Variants in HIVEP3 observed in about 807,000 individuals in gnomAD.
HIVEP3 encodes the protein HIVEP zinc finger 3.
HIVEP3 carries 49 observed loss-of-function variants against 152.8 expected under a neutral mutation model. The ratio of observed to expected loss-of-function variants is 0.32; its 90% CI spans 0.26 to 0.41. HIVEP3 has a LOEUF of 0.41. HIVEP3 is among the 10% of genes least tolerant of loss of function. The probability of loss-of-function intolerance (pLI) is 1.00; values close to 1 mark genes in which losing one functional copy is unlikely to be tolerated. For synonymous variants in HIVEP3, 1,269 were observed against 1,289.0 expected, an observed-to-expected ratio of 0.98 and a Z score of 0.33; for missense variants, 2,790 against 3,103.3, an observed-to-expected ratio of 0.90 and a Z score of 2.40.
chr1:41,740,832 AC>A (rs758771696), intron 1 of HIVEP3, among the ~76,000 whole-genome samples: 1 of 151,892 alleles, frequency 6.6e-6, no homozygotes. Flanking sequence ...GACCCAAGCA[AC>A]CCCCTGCCCT....
chr1:42,008,354 C>T (rs1393744229), intron 1 of HIVEP3, among the ~76,000 whole-genome samples: 2 of 152,046 alleles, frequency 1.3e-5, no homozygotes, highest in Non-Finnish European at 2.9e-5. Context: ...CCCAGAGTTC[C>T]CAAGAAGAAA....
In HIVEP3 at chr1:41,533,396, CTCT is replaced by C. The variant is rs1259359096; in HGVS notation, c.5208-8489_5208-8487del. Among the ~76,000 whole-genome samples, 8 of 152,226 alleles carry C rather than the reference CTCT, an allele frequency of 5.3e-5. No individual in the cohort carries two copies. Among genetic ancestry groups the C allele is most frequent in the African/African-American group, 1.9e-4 (8 of 41,536 alleles). On this transcript the variant is annotated intron_variant, in intron 5 of 8. Transcript: ENST00000372583. The surrounding 1 kb of genome is among the most constrained non-coding windows in gnomAD (Gnocchi z 4.3). ...CACCACCACAGACACAAGCCCAGCT[CTCT>C]TCCCATCACAAATCAACCAGCCCCA...
At chr1:41,616,618 G>GC (rs1190085460) in intron 3 of HIVEP3, among the ~76,000 whole-genome samples, 1 of 120,672 alleles carries the variant, frequency 8.3e-6, no homozygotes, top group South Asian at 2.8e-4. Context: ...AAGATGGGGA[G>GC]CCTTTTTTTT....
In HIVEP3 at chr1:41,986,759, C is replaced by T. The variant is rs138675908; in HGVS notation, n.119+49048G>A. Among the ~76,000 whole-genome samples the T allele has an allele frequency of 1.5e-4, 23 of 152,290 alleles. No homozygotes were observed. In the East Asian group the frequency reaches 2.3e-3, roughly 15 times the overall value. On this transcript the variant is annotated intron_variant and non_coding_transcript_variant, in intron 1 of 3. Transcript: ENST00000489103. ...CCTGCCGAATAGGACATTTTTAACA[C>T]AAATGTATTTATTAATTGCTGCCCA...
At chr1:41,884,263 G>A (rs1644308889) in intron 1 of HIVEP3, among the ~76,000 whole-genome samples, 2 of 152,204 alleles carry the variant, frequency 1.3e-5, no homozygotes, top group African/African-American at 4.8e-5. Flanking sequence ...ACCACGTCAT[G>A]AGCCCCCTCC....
At chr1:41,600,272 T>A (rs951230429) in intron 3 of HIVEP3, among the ~76,000 whole-genome samples, 1 of 152,202 alleles carries the variant, frequency 6.6e-6, no homozygotes, top group African/African-American at 2.4e-5. Flanking sequence ...TACATCTATG[T>A]TCATAGCGGC....
chr1:41,660,303 T>A (rs1339688369), intron 2 of HIVEP3, among the ~76,000 whole-genome samples: 1 of 152,236 alleles, frequency 6.6e-6, no homozygotes, highest in African/African-American at 2.4e-5. Context: ...GGCACAGAGT[T>A]GGTAACTGGT....
rs1643315242 is a variant in HIVEP3 at position 41,533,315 on chromosome 1, C to T, written c.5208-8405G>A. Among the ~76,000 whole-genome samples the T allele has an allele frequency of 6.6e-6, 1 of 152,144 alleles. No individual in the cohort carries two copies. Among genetic ancestry groups the T allele is most frequent in the Admixed American group, 6.5e-5 (1 of 15,276 alleles). The stretch of plus-strand genomic sequence containing the variant: ...GCGGTGCCAGAGCCCACCCCACCCA[C>T]TGTCCTCTCCCACAGCTTCCCAGCA... On this transcript the variant is annotated intron_variant, in intron 5 of 8. Coordinates refer to ENST00000372583, the MANE Select transcript of HIVEP3 (RefSeq NM_024503.5). The surrounding 1 kb of genome is among the most constrained non-coding windows in gnomAD (Gnocchi z 4.3).
intron 3 of HIVEP3, among the ~76,000 whole-genome samples, chr1:41,589,191 G>C (rs930479128): frequency 5.9e-5 from 9 of 152,220 alleles, no homozygotes; most frequent in Non-Finnish European, 1.3e-4. Flanking sequence ...AATGGGCCCA[G>C]GAGCTGGGCC....
intron 1 of HIVEP3, among the ~76,000 whole-genome samples, chr1:41,789,405 A>G (rs976968277): frequency 2.0e-5 from 3 of 152,226 alleles, no homozygotes; most frequent in African/African-American, 7.2e-5. Context: ...GTGAGCTACC[A>G]TTGTCATGAA....
At chr1:41,579,115 AC>A (rs1272602457) in intron 4 of HIVEP3, among the ~76,000 whole-genome samples, 1 of 152,230 alleles carries the variant, frequency 6.6e-6, no homozygotes, top group African/African-American at 2.4e-5. Context: ...ACCACGTAGC[AC>A]AAATAGGTCA....
intron 1 of HIVEP3, among the ~76,000 whole-genome samples, chr1:41,941,828 G>T (rs1645047553): frequency 6.6e-6 from 1 of 152,132 alleles, no homozygotes; most frequent in Non-Finnish European, 1.5e-5. Flanking sequence ...ATCAGGGCTG[G>T]GGCCTGAACT....
chr1:41,825,439 A>G (rs1311073783), intron 1 of HIVEP3, among the ~76,000 whole-genome samples: 1 of 151,748 alleles, frequency 6.6e-6, no homozygotes, highest in Non-Finnish European at 1.5e-5. Flanking sequence ...CCCAGCTAAT[A>G]TTTTCTATTT....
At chr1:41,600,262 T>C (rs755696785) in intron 3 of HIVEP3, among the ~76,000 whole-genome samples, 1 of 152,226 alleles carries the variant, frequency 6.6e-6, no homozygotes, top group Non-Finnish European at 1.5e-5. Flanking sequence ...GAGATATGTG[T>C]ACATCTATGT....
chr1:42,013,273 G>A (rs1401157754), intron 1 of HIVEP3, among the ~76,000 whole-genome samples: 2 of 152,136 alleles, frequency 1.3e-5, no homozygotes, highest in Non-Finnish European at 2.9e-5. Flanking sequence ...CCTCATTTTA[G>A]TTTGATTACC....
At chr1:41,851,429 A>G (rs1643597733) in intron 1 of HIVEP3, among the ~76,000 whole-genome samples, 1 of 150,360 alleles carries the variant, frequency 6.7e-6, no homozygotes, top group Non-Finnish European at 1.5e-5. Flanking sequence ...CAGACTCCCA[A>G]GTAGCTGGGT....
rs1644120068 is a variant in HIVEP3 at position 41,873,662 on chromosome 1, G to A, written c.-801+44751C>T. Among the ~76,000 whole-genome samples the A allele has an allele frequency of 1.3e-5, 2 of 152,158 alleles. No individual in the cohort carries two copies. Reference sequence around the variant, plus strand: ...TGGCTTTATCTTGGTTTCTGAGGGAGAATCAATTCTCTTTAACTCTCTTCC... The same window carrying A: ...TGGCTTTATCTTGGTTTCTGAGGGAAAATCAATTCTCTTTAACTCTCTTCC... On this transcript the variant is annotated intron_variant, in intron 1 of 8. Coordinates refer to ENST00000372583, the MANE Select transcript of HIVEP3 (RefSeq NM_024503.5). This position sits in a 1 kb window ranked among gnomAD's most constrained non-coding sequence, Gnocchi z 4.2.
intron 1 of HIVEP3, among the ~76,000 whole-genome samples, chr1:42,001,038 G>A (rs558955373): frequency 1.6e-4 from 25 of 152,242 alleles, no homozygotes; most frequent in Middle Eastern, 3.4e-3. Context: ...GGCTGAAGAC[G>A]CCAGAGCACA....
chr1:41,572,543 T>A (rs1054424940), intron 5 of HIVEP3, among the ~76,000 whole-genome samples: 10 of 152,170 alleles, frequency 6.6e-5, no homozygotes, highest in Admixed American at 6.5e-4. Flanking sequence ...TAGCAGTGGG[T>A]CTTGTGTTGC....
Sources: gnomAD v4.1 joint callset for allele counts (sites outside exome capture counted in the v4.1 genomes callset) on GRCh38, gnomAD v4.1.1 for gene constraint, Gnocchi (gnomAD v3.1) non-coding constraint, MANE v1.5 for transcripts, NCBI Gene and HGNC (gene_info 2026-07-23, HGNC 2026-07-21) for gene names.